The following PTCD1 variants were observed in gnomAD, a reference collection of about 807,000 sequenced individuals.
PTCD1 encodes pentatricopeptide repeat domain 1.
A neutral mutation model predicts 53.4 loss-of-function variants in PTCD1; 50 were observed. The observed-to-expected ratio is 0.94, with a 90% CI of 0.75 to 1.19. The LOEUF (loss-of-function observed/expected upper bound fraction) is 1.19, where lower values mean the gene tolerates loss of function less well. PTCD1 is among the 50% of genes most tolerant of loss of function. PTCD1 has a pLI of 0.00. For missense variants in PTCD1, 918 were observed against 904.8 expected, an observed-to-expected ratio of 1.01 and a Z score of -0.19; for synonymous variants, 413 against 394.8, an observed-to-expected ratio of 1.05 and a Z score of -0.55.
chr7:99,429,571 G>A lies in PTCD1; in HGVS notation c.813+17C>T, dbSNP rs375583739. On this transcript the variant is annotated intron_variant, in intron 4 of 7. Transcript: ENST00000292478. ...CCAGCCCCATGAAGGGGAGCAGGAC[G>A]GCAGGGGAAGCCCCACCTTGAACAC... is the stretch of plus-strand genomic sequence containing the variant. The A allele has an allele frequency of 4.3e-6, 7 of 1,614,042 alleles. No individual in the cohort carries two copies. The highest frequency in any genetic ancestry group is 2.7e-5 in the African/African-American group (2 of 74,938).
Position 99,429,223 on chromosome 7 carries a change from A to T in PTCD1, c.814-19T>A. 6.2e-7 allele frequency: 1 copy of T among 1,613,576 alleles called. No homozygotes were observed. On this transcript the variant is annotated intron_variant, in intron 4 of 7. Transcript: ENST00000292478. ...TGATTTCCTGGGGGAGGGAACAAAG[A>T]CGTCCCACTGAGAACCTGCAGCAGG...
chr7:99,421,592 A>C (rs549927713), intron 7 of PTCD1, among the ~76,000 whole-genome samples: 2 of 151,254 alleles, frequency 1.3e-5, no homozygotes, highest in East Asian at 1.9e-4. Flanking sequence ...AAAAAAAAAA[A>C]AAAACCACAA....
intron 5 of PTCD1, 61 bp downstream of exon 5, chr7:99,429,042 A>G: frequency 6.3e-7 from 1 of 1,590,074 alleles, no homozygotes; most frequent in Non-Finnish European, 8.6e-7. Flanking sequence ...TCACAGGATC[A>G]CCATTTTGCA....
chr7:99,428,630 A>G (rs1796147269), intron 5 of PTCD1, among the ~76,000 whole-genome samples: 1 of 151,350 alleles, frequency 6.6e-6, no homozygotes, highest in African/African-American at 2.4e-5. Flanking sequence ...AATCTCAACT[A>G]CTCGGGAGGC....
At chr7:99,427,211 C>T (rs1210528936) in intron 5 of PTCD1, among the ~76,000 whole-genome samples, 1 of 145,862 alleles carries the variant, frequency 6.9e-6, no homozygotes, top group African/African-American at 2.5e-5. Flanking sequence ...GCCAGCCGCC[C>T]CGTCCGGGAG....
chr7:99,438,266 GCCC>G (rs962921988), intron 1 of PTCD1, among the ~76,000 whole-genome samples: 28 of 38,142 alleles, frequency 7.3e-4, no homozygotes, highest in African/African-American at 2.9e-3. Flanking sequence ...CCCGCCACCC[GCCC>G]CCCCAACCCC....
At chr7:99,433,522 C>T (rs1562846219) in intron 2 of PTCD1, 104 bp from the exon 3 acceptor site, 19 of 1,596,008 alleles carry the variant, frequency 1.2e-5, no homozygotes, top group African/African-American at 2.7e-5. Context: ...TGGTGGAGAA[C>T]GGCGGCCCTG....
At position 99,417,670 on chromosome 7, in the gene PTCD1, G is replaced by A. The variant is rs1433655130; in HGVS notation, c.*2297C>T. On this transcript the variant is annotated 3_prime_UTR_variant, in exon 8 of 8. Transcript: ENST00000292478. ...CTTAGTCGACTGCAAGGGATCTTAT[G>A]TTATTTGGTTGGGCTGGAATGTCGT... The A allele has an allele frequency of 1.3e-6, 2 of 1,583,500 alleles. No individual in the cohort carries two copies. Among genetic ancestry groups the A allele is most frequent in the East Asian group, 4.5e-5 (2 of 44,276 alleles).
chr7:99,423,759 A>G lies in PTCD1; in HGVS notation c.1920+16T>C, dbSNP rs768957880. 6.2e-7 allele frequency: 1 copy of G among 1,613,472 alleles called. No homozygotes were observed. Among genetic ancestry groups the G allele is most frequent in the Non-Finnish European group, 8.5e-7 (1 of 1,179,954 alleles). On this transcript the variant is annotated intron_variant, in intron 7 of 7. Transcript: ENST00000292478. ...TGGTGAAGGAGCTGATGAGCTTTTG[A>G]GCTTGGGGCACACACCCGGTCAAAG...
chr7:99,417,070 T>C lies in PTCD1; in HGVS notation c.*2897A>G, dbSNP rs1163094484. 1.7e-5 allele frequency: 4 copies of C among 238,714 alleles called. No individual in the cohort carries two copies. Among genetic ancestry groups the C allele is most frequent in the African/African-American group, 9.5e-5 (4 of 42,244 alleles). 14.8% of individuals were successfully genotyped at this position (238,714 alleles called of 1,614,324 possible). Reference sequence around the variant, plus strand: ...CCCGTTGCAATACTGAATGCCTTTTTTTTTTTGAGATGGAGTTTCGCTGTC... The same window carrying C: ...CCCGTTGCAATACTGAATGCCTTTTCTTTTTTGAGATGGAGTTTCGCTGTC... On this transcript the variant is annotated 3_prime_UTR_variant, in exon 8 of 8. Transcript: ENST00000292478.
chr7:99,424,317 G>C (rs1291773423), intron 6 of PTCD1, among the ~76,000 whole-genome samples: 3 of 152,208 alleles, frequency 2.0e-5, no homozygotes, highest in Non-Finnish European at 2.9e-5. Context: ...GGTGAGCCCG[G>C]TAGGGTCCAG....
Position 99,419,277 on chromosome 7 carries a change from TGTG to T in PTCD1, c.*687_*689del. 1 of 1,298,742 alleles carries T rather than the reference TGTG, an allele frequency of 7.7e-7. No individual in the cohort carries two copies. Among genetic ancestry groups the T allele is most frequent in the Non-Finnish European group, 1.1e-6 (1 of 910,876 alleles). The allele number at this position is 1,298,742 out of a possible 1,614,324, so 80.5% of individuals were successfully genotyped here. ...AGCTGTCAAGGAAGGGTTTCTGAGG[TGTG>T]TCCCTATATGGCATGGTGGCAGGTC... On this transcript the variant is annotated 3_prime_UTR_variant, in exon 8 of 8. Coordinates refer to ENST00000292478, the MANE Select transcript of PTCD1 (RefSeq NM_015545.4).
chr7:99,419,602 C>T lies in PTCD1; in HGVS notation c.*365G>A, dbSNP rs548346307. The stretch of plus-strand genomic sequence containing the variant: ...CAGCTGTGATTTGTAAAAATAAAAT[C>T]TTTAAATCTCTCGAGCCCCACGTCT... On this transcript the variant is annotated 3_prime_UTR_variant, in exon 8 of 8. Coordinates refer to ENST00000292478, the MANE Select transcript of PTCD1 (RefSeq NM_015545.4). 1 of 877,212 alleles carries T rather than the reference C, an allele frequency of 1.1e-6. No individual in the cohort carries two copies. Among genetic ancestry groups the T allele is most frequent in the African/African-American group, 1.7e-5 (1 of 58,954 alleles). 54.3% of individuals were successfully genotyped at this position (877,212 alleles called of 1,614,324 possible).
chr7:99,421,830 G>A (rs561034240), intron 7 of PTCD1, among the ~76,000 whole-genome samples: 1 of 152,218 alleles, frequency 6.6e-6, no homozygotes, highest in African/African-American at 2.4e-5. Flanking sequence ...ATGCAAAAGT[G>A]ATATACATTC....
chr7:99,429,265 A>C, intron 4 of PTCD1, 61 bp from the exon 5 acceptor site: 4 of 1,591,682 alleles, frequency 2.5e-6, no homozygotes, highest in Non-Finnish European at 3.4e-6. Flanking sequence ...ATGGTAGCTC[A>C]TGTCTGTAAT....
Position 99,424,654 on chromosome 7 carries a change from G to A in PTCD1, c.1737+141C>T, listed in dbSNP as rs1795948236. Reference sequence around the variant, plus strand: ...CCAAAATGGGACCAAAGACCAGAAGGTCATTGACCCCACTCTCTTTGCCCC... The same window carrying A: ...CCAAAATGGGACCAAAGACCAGAAGATCATTGACCCCACTCTCTTTGCCCC... On this transcript the variant is annotated intron_variant, in intron 6 of 7. Transcript: ENST00000292478. 28 of 1,163,624 alleles carry A rather than the reference G, an allele frequency of 2.4e-5. No homozygotes were observed. In the South Asian group the frequency reaches 2.9e-4, roughly 12 times the overall value. The allele number at this position is 1,163,624 out of a possible 1,614,324, so 72.1% of individuals were successfully genotyped here.
chr7:99,427,543 G>A (rs1363634834), intron 5 of PTCD1, among the ~76,000 whole-genome samples: 12 of 151,560 alleles, frequency 7.9e-5, no homozygotes, highest in Non-Finnish European at 1.6e-4. Context: ...GCCTCTGCCC[G>A]GCCGCCCCTG....
At chr7:99,432,865 G>C (rs995480173) in intron 3 of PTCD1, 11 of 316,376 alleles carry the variant, frequency 3.5e-5, no homozygotes, top group African/African-American at 2.2e-4. Context: ...CCTAGACAAA[G>C]CAGCACAATC....
At chr7:99,423,441 C>T (rs922904899) in intron 7 of PTCD1, among the ~76,000 whole-genome samples, 11 of 152,172 alleles carry the variant, frequency 7.2e-5, no homozygotes, top group Non-Finnish European at 1.2e-4. Flanking sequence ...CTGAGGGCCA[C>T]TTAAGCAGAG....
Sources: gnomAD v4.1 joint callset for allele counts (sites outside exome capture counted in the v4.1 genomes callset) on GRCh38, gnomAD v4.1.1 for gene constraint, MANE v1.5 for transcripts, NCBI Gene and HGNC (gene_info 2026-07-23, HGNC 2026-07-21) for gene names.